The following CNTN6 variants were observed in gnomAD, a reference collection of about 807,000 sequenced individuals.
CNTN6 encodes contactin-6.
In CNTN6, 137 loss-of-function variants were observed where a neutral mutation model predicts 122.8. The observed-to-expected ratio is 1.12, with a 90% CI of 0.97 to 1.29. The LOEUF (loss-of-function observed/expected upper bound fraction) is 1.29. Among genes scored for constraint, CNTN6 ranks in the 50% most tolerant of loss-of-function variants. The probability of loss-of-function intolerance (pLI) is 0.00; values close to 1 mark genes in which losing one functional copy is unlikely to be tolerated. For missense variants in CNTN6, 1,634 were observed against 1,223.4 expected (o/e 1.34, Z -5.01); for synonymous variants, 570 against 426.0 (o/e 1.34, Z -4.16).
chr3:1,258,938 T>C (rs1449840951), intron 4 of CNTN6, among the ~76,000 whole-genome samples: 1 of 152,054 alleles, frequency 6.6e-6, no homozygotes, highest in Non-Finnish European at 1.5e-5. Context: ...AGATAGTAAA[T>C]ATGTTTGATT....
At chr3:1,374,201 C>G (rs1709537059) in intron 16 of CNTN6, 128 bp downstream of exon 16, 3 of 863,812 alleles carry the variant, frequency 3.5e-6, no homozygotes, top group African/African-American at 1.8e-5. Flanking sequence ...ACGAGTGGCT[C>G]TCATTTTCTT....
At chr3:1,298,648 A>G (rs1168536792) in intron 7 of CNTN6, among the ~76,000 whole-genome samples, 1 of 152,152 alleles carries the variant, frequency 6.6e-6, no homozygotes, top group Non-Finnish European at 1.5e-5. Flanking sequence ...TTGTGCCTAT[A>G]AACACCAGAA....
intron 1 of CNTN6, among the ~76,000 whole-genome samples, chr3:1,121,022 T>C (rs9821606): frequency 0.94 from 142,398 of 151,766 alleles, 66,799 homozygotes; most frequent in East Asian, 0.99. Context: ...ATTTAAAATA[T>C]GAACATAGTA....
At chr3:1,136,073 C>T (rs528386406) in intron 1 of CNTN6, among the ~76,000 whole-genome samples, 14 of 152,282 alleles carry the variant, frequency 9.2e-5, no homozygotes, top group Non-Finnish European at 1.6e-4. Context: ...CCCAATTTTC[C>T]TGACCACTTT....
chr3:1,377,181 A>G, intron 17 of CNTN6, 106 bp downstream of exon 17: 1 of 698,918 alleles, frequency 1.4e-6, no homozygotes, highest in East Asian at 2.8e-5. Context: ...GAGCGTAAAA[A>G]AATATGGTAT....
At chr3:1,094,068 C>G (rs1373138920) in intron 1 of CNTN6, among the ~76,000 whole-genome samples, 1 of 152,108 alleles carries the variant, frequency 6.6e-6, no homozygotes, top group African/African-American at 2.4e-5. Flanking sequence ...ATGAGGTATT[C>G]ATAATTTTAT....
intron 2 of CNTN6, among the ~76,000 whole-genome samples, chr3:1,153,298 C>T (rs953168185): frequency 2.0e-5 from 3 of 152,164 alleles, no homozygotes; most frequent in Non-Finnish European, 4.4e-5. Flanking sequence ...TTGAGGGATT[C>T]TAATTATTGT....
intron 12 of CNTN6, among the ~76,000 whole-genome samples, chr3:1,360,349 T>A (rs1707270025): frequency 6.6e-6 from 1 of 152,088 alleles, no homozygotes; most frequent in African/African-American, 2.4e-5. Context: ...TTAAATCTGT[T>A]ATCAACTATT....
rs531019791 is a variant in CNTN6, at chr3:1,334,381, T to A, written c.1364+4446T>A. Among the ~76,000 whole-genome samples, 397 of 148,512 alleles carry A rather than the reference T, an allele frequency of 2.7e-3. 1 individual carries two copies. Among genetic ancestry groups the A allele is most frequent in the East Asian group, 9.9e-3 (51 of 5,148 alleles). On this transcript the variant is annotated intron_variant, in intron 11 of 22. Coordinates refer to ENST00000446702, the MANE Select transcript of CNTN6 (RefSeq NM_001289080.2). The stretch of plus-strand genomic sequence containing the variant: ...AATGCTAGACTCCTCTTTTTATTTT[T>A]TTTTTTTTTTTGAGGCCACTATTTC...
chr3:1,222,140 G>A (rs1031402195), intron 3 of CNTN6, among the ~76,000 whole-genome samples: 1 of 152,098 alleles, frequency 6.6e-6, no homozygotes, highest in Non-Finnish European at 1.5e-5. Context: ...TCATTCCACA[G>A]ACTAAAGCTT....
chr3:1,391,904 G>A (rs1396934033), intron 20 of CNTN6, among the ~76,000 whole-genome samples: 2 of 152,158 alleles, frequency 1.3e-5, no homozygotes, highest in Non-Finnish European at 2.9e-5. Flanking sequence ...TGAGATAAAA[G>A]AGGATACAAA....
intron 16 of CNTN6, 47 bp downstream of exon 16, chr3:1,374,120 C>G: frequency 1.3e-6 from 2 of 1,547,322 alleles, no homozygotes; most frequent in East Asian, 2.3e-5. Flanking sequence ...TCGTATGATA[C>G]AGTTCTTAAA....
Position 1,401,422 on chromosome 3 carries a change from T to G in CNTN6, c.2705-11T>G, listed in dbSNP as rs1695690269. The G allele has an allele frequency of 1.2e-6, 2 of 1,601,544 alleles. No individual in the cohort carries two copies. Among genetic ancestry groups the G allele is most frequent in the Non-Finnish European group, 1.7e-6 (2 of 1,169,858 alleles). On this transcript the variant is annotated splice_polypyrimidine_tract_variant and intron_variant, in intron 20 of 22. Coordinates refer to ENST00000446702, the MANE Select transcript of CNTN6 (RefSeq NM_001289080.2). The stretch of plus-strand genomic sequence containing the variant: ...TAACATTCATTTGGATCTTTGATTA[T>G]CTCTTTAAAGCTCCAAGCCAACCAC...
At chr3:1,340,650 C>A (rs154960) in intron 11 of CNTN6, among the ~76,000 whole-genome samples, 6,007 of 152,188 alleles carry the variant, frequency 0.039, 405 homozygotes, top group African/African-American at 0.14. Flanking sequence ...GAGTCACACC[C>A]AGGTTGGTCC....
At chr3:1,352,289 G>T in intron 11 of CNTN6, 35 bp from the exon 12 acceptor site, 1 of 1,477,372 alleles carries the variant, frequency 6.8e-7, no homozygotes, top group Non-Finnish European at 9.0e-7. Flanking sequence ...GTGTTGAAGA[G>T]CCTTACTTCT....
At chr3:1,217,329 A>G (rs2094143060) in intron 2 of CNTN6, among the ~76,000 whole-genome samples, 1 of 152,214 alleles carries the variant, frequency 6.6e-6, no homozygotes, top group Admixed American at 6.5e-5. Context: ...ACATCACTCA[A>G]GTACAATTAT....
chr3:1,213,221 T>C (rs543316412), intron 2 of CNTN6, among the ~76,000 whole-genome samples: 2 of 152,334 alleles, frequency 1.3e-5, no homozygotes, highest in South Asian at 4.1e-4. Flanking sequence ...ACCAGACTTT[T>C]CTCTGAGTGA....
intron 2 of CNTN6, among the ~76,000 whole-genome samples, chr3:1,153,413 T>C (rs565235683): frequency 2.1e-4 from 32 of 152,220 alleles, no homozygotes; most frequent in Non-Finnish European, 4.3e-4. Flanking sequence ...AGCCATCATT[T>C]TTATGTAATG....
intron 2 of CNTN6, among the ~76,000 whole-genome samples, chr3:1,202,277 A>C (rs1484088924): frequency 9.9e-5 from 15 of 152,280 alleles, no homozygotes; most frequent in South Asian, 6.2e-4. Context: ...GCGGTGGCTC[A>C]CGCCTGTAAT....
Sources: allele counts gnomAD v4.1 joint callset (sites outside exome capture counted in the v4.1 genomes callset), GRCh38; gene constraint gnomAD v4.1.1; transcripts MANE v1.5; gene names NCBI Gene and HGNC (gene_info 2026-07-23, HGNC 2026-07-21).